The following ULK4 variants were observed in gnomAD, a reference collection of about 807,000 sequenced individuals.
ULK4 encodes the protein unc-51 like kinase 4.
A neutral mutation model predicts 160.6 loss-of-function variants in ULK4; 133 were observed. That is an observed-to-expected ratio of 0.83 (90% CI 0.72 to 0.96). The LOEUF (loss-of-function observed/expected upper bound fraction) is 0.96. ULK4 is among the 40% of genes least tolerant of loss of function. ULK4 has a pLI of 0.00. For missense variants in ULK4, 1,580 were observed against 1,499.5 expected, an observed-to-expected ratio of 1.05 and a Z score of -0.89; for synonymous variants, 534 against 539.8, an observed-to-expected ratio of 0.99 and a Z score of 0.15.
intron 35 of ULK4, among the ~76,000 whole-genome samples, chr3:41,267,932 A>C (rs2079071980): frequency 6.6e-6 from 1 of 152,194 alleles, no homozygotes; most frequent in African/African-American, 2.4e-5. Context: ...GAGCCCGTGA[A>C]ATAGGAGTCC....
At chr3:41,701,003 CAG>C (rs906247119) in intron 27 of ULK4, among the ~76,000 whole-genome samples, 1 of 150,240 alleles carries the variant, frequency 6.7e-6, no homozygotes, top group Non-Finnish European at 1.5e-5. Context: ...TAGTAGAAGA[CAG>C]GGGAAAAAAA....
At chr3:41,744,492 G>GAAA (rs755286117) in intron 22 of ULK4, among the ~76,000 whole-genome samples, 27 of 151,832 alleles carry the variant, frequency 1.8e-4, no homozygotes, top group Non-Finnish European at 3.4e-4. Context: ...CTGTACATAA[G>GAAA]AAAACATAAT....
intron 18 of ULK4, among the ~76,000 whole-genome samples, chr3:41,830,383 A>G (rs537031098): frequency 1.3e-5 from 2 of 152,232 alleles, no homozygotes; most frequent in South Asian, 4.1e-4. Flanking sequence ...TTCTATCTGC[A>G]TAAGATTCTA....
intron 1 of ULK4, 134 bp from the exon 2 acceptor site, chr3:41,954,941 A>C: frequency 1.7e-6 from 1 of 591,714 alleles, no homozygotes; most frequent in Non-Finnish European, 2.8e-6. Context: ...TCACTTACAA[A>C]TGTTAAATAC....
intron 30 of ULK4, among the ~76,000 whole-genome samples, chr3:41,617,064 T>C (rs1327444205): frequency 6.6e-6 from 1 of 152,204 alleles, no homozygotes; most frequent in African/African-American, 2.4e-5. Context: ...TCCTCCTCAC[T>C]GGGCAGGGCA....
chr3:41,935,698 G>C, intron 4 of ULK4, 103 bp downstream of exon 4: 1 of 1,348,796 alleles, frequency 7.4e-7, no homozygotes, highest in African/African-American at 1.5e-5. Context: ...AAAATTTCAA[G>C]ATATTCTATA....
intron 32 of ULK4, among the ~76,000 whole-genome samples, chr3:41,475,888 G>A (rs2084126437): frequency 6.6e-6 from 1 of 151,742 alleles, no homozygotes; most frequent in African/African-American, 2.4e-5. Context: ...GAGGAGAGAA[G>A]GAGGGAAGAA....
At chr3:41,484,840 T>C (rs1291715977) in intron 32 of ULK4, among the ~76,000 whole-genome samples, 3 of 152,226 alleles carry the variant, frequency 2.0e-5, no homozygotes, top group East Asian at 1.9e-4. Flanking sequence ...TCCACTCTGA[T>C]ACTTTATGAG....
At chr3:41,273,176 T>C (rs2079167710) in intron 35 of ULK4, among the ~76,000 whole-genome samples, 2 of 152,256 alleles carry the variant, frequency 1.3e-5, no homozygotes, top group Non-Finnish European at 2.9e-5. Context: ...CTCTTGATCT[T>C]TGCTTTCAAA....
chr3:41,606,466 C>A (rs2032389452), intron 31 of ULK4, among the ~76,000 whole-genome samples: 1 of 152,102 alleles, frequency 6.6e-6, no homozygotes, highest in South Asian at 2.1e-4. Flanking sequence ...ATACTGATTT[C>A]TTTTCCTTTG....
At chr3:41,663,802 A>T in intron 29 of ULK4, 103 bp from the exon 30 acceptor site, 1 of 954,302 alleles carries the variant, frequency 1.0e-6, no homozygotes, top group Non-Finnish European at 1.6e-6. Flanking sequence ...AGACAGAAAG[A>T]TATTTTACAC....
intron 5 of ULK4, among the ~76,000 whole-genome samples, chr3:41,925,239 C>G (rs1022133121): frequency 1.3e-5 from 2 of 152,188 alleles, no homozygotes; most frequent in Admixed American, 6.5e-5. Flanking sequence ...ACAGCGGGTG[C>G]AGCCCACAGA....
intron 17 of ULK4, among the ~76,000 whole-genome samples, chr3:41,840,388 C>T (rs1475004383): frequency 1.3e-5 from 2 of 152,100 alleles, no homozygotes; most frequent in Non-Finnish European, 2.9e-5. Context: ...TCCCTCTCCC[C>T]CTTTCTTTCT....
intron 35 of ULK4, among the ~76,000 whole-genome samples, chr3:41,272,019 T>G (rs1054393603): frequency 1.3e-5 from 2 of 152,134 alleles, no homozygotes; most frequent in African/African-American, 4.8e-5. Flanking sequence ...CAGGTTCAAG[T>G]GATTCTTGTG....
intron 34 of ULK4, among the ~76,000 whole-genome samples, chr3:41,419,852 G>C (rs1457438782): frequency 1.3e-5 from 2 of 151,818 alleles, no homozygotes; most frequent in African/African-American, 2.4e-5. Flanking sequence ...ATCTCTTCCT[G>C]AGGCCAGGGG....
At chr3:41,783,826 A>T (rs1304399747) in intron 21 of ULK4, among the ~76,000 whole-genome samples, 3 of 152,200 alleles carry the variant, frequency 2.0e-5, no homozygotes, top group Non-Finnish European at 4.4e-5. Flanking sequence ...CTCCCCAATA[A>T]ACAGCAGGAA....
intron 32 of ULK4, among the ~76,000 whole-genome samples, chr3:41,514,239 TAATAA>T (rs1199712225): frequency 4.6e-5 from 7 of 152,166 alleles, no homozygotes; most frequent in Admixed American, 2.0e-4. Context: ...GTTAAAGAGT[TAATAA>T]AATAAACAGC....
At position 41,884,040 on chromosome 3, in the gene ULK4, C is replaced by T. The variant is rs190106658; in HGVS notation, c.1578-88G>A. The T allele has an allele frequency of 6.3e-4, 574 of 913,018 alleles. No individual in the cohort carries two copies. The African/African-American group carries it at 6.7e-3, about 11-fold the overall frequency. 56.6% of individuals were successfully genotyped at this position (913,018 alleles called of 1,614,324 possible). On this transcript the variant is annotated intron_variant, in intron 16 of 36. Transcript: ENST00000301831. The stretch of plus-strand genomic sequence containing the variant: ...GCTAGTTACATTATGCAATGATGAG[C>T]ATTAGATATAAGACTGAGAAATAAA...
At chr3:41,424,398 C>A (rs1468720295) in intron 34 of ULK4, among the ~76,000 whole-genome samples, 1 of 152,220 alleles carries the variant, frequency 6.6e-6, no homozygotes. Context: ...CAGTGCAGCA[C>A]ACCTCCTCCA....
Sources: allele counts gnomAD v4.1 joint callset (sites outside exome capture counted in the v4.1 genomes callset), GRCh38; gene constraint gnomAD v4.1.1; transcripts MANE v1.5; gene names NCBI Gene and HGNC (gene_info 2026-07-23, HGNC 2026-07-21).